CFAP46: variants seen among roughly 807,000 people sequenced by gnomAD.
The protein encoded by CFAP46 is cilia- and flagella-associated protein 46.
A neutral mutation model predicts 325.7 loss-of-function variants in CFAP46; 245 were observed. The ratio of observed to expected loss-of-function variants is 0.75; its 90% confidence interval spans 0.68 to 0.84. The LOEUF (loss-of-function observed/expected upper bound fraction) is 0.84. Ranked by LOEUF, CFAP46 falls within the 40% of genes least tolerant of loss-of-function variation. The probability of loss-of-function intolerance (pLI) is 0.00; values close to 1 mark genes in which losing one functional copy is unlikely to be tolerated. For missense variants in CFAP46, 3,346 were observed against 3,543.0 expected, an observed-to-expected ratio of 0.94 and a Z score of 1.41; for synonymous variants, 1,523 against 1,495.9, an observed-to-expected ratio of 1.02 and a Z score of -0.42.
chr10:132,918,408 C>T lies in CFAP46; in HGVS notation c.1971G>A (p.Gly657=). 1.9e-6 allele frequency: 3 copies of T among 1,548,728 alleles called. No individual in the cohort carries two copies. Among genetic ancestry groups the T allele is most frequent in the Non-Finnish European group, 2.6e-6 (3 of 1,145,894 alleles). Residue 657 remains glycine (G), a synonymous_variant, in exon 16 of 58, where the codon GGG becomes GGA. Coordinates refer to ENST00000368586, the MANE Select transcript of CFAP46 (RefSeq NM_001200049.3). Reference sequence around the variant, plus strand: ...CATGACGCACCTCAGCATGGATGAACCCCACCTCCGCGAACTTCCGCAGCA... The same window carrying T: ...CATGACGCACCTCAGCATGGATGAATCCCACCTCCGCGAACTTCCGCAGCA... ...PDLLRKFAEV[G]FIHAEATVHL...
At position 132,922,168 on chromosome 10, in the gene CFAP46, A is replaced by C. The variant is rs7915371; in HGVS notation, c.1542T>G (p.Asn514Lys). ...SVRKKRALLVNAGLALAPDAF... is the reference protein window; with the variant it reads ...SVRKKRALLVKAGLALAPDAF... ...CGTCAGGGGCTAAGGCCAGGCCTGCATTCACCAGGAGGGCCCGCTTCTTCC... is the reference window on the plus strand; with the variant it reads ...CGTCAGGGGCTAAGGCCAGGCCTGCCTTCACCAGGAGGGCCCGCTTCTTCC... Residue 514 changes from asparagine to lysine, a missense_variant, in exon 13 of 58, where the codon AAT (asparagine) becomes AAG (lysine). Physicochemically the swap from Asn to Lys is moderately conservative, Grantham distance 94. Coordinates refer to ENST00000368586, the MANE Select transcript of CFAP46 (RefSeq NM_001200049.3). The C allele has an allele frequency of 1.7e-5, 27 of 1,550,170 alleles. No homozygotes were observed. Among genetic ancestry groups the C allele is most frequent in the Middle Eastern group, 1.7e-4 (1 of 6,006 alleles).
chr10:132,872,873 C>T (rs1467333542), intron 31 of CFAP46, 49 bp from the exon 32 acceptor site: 2 of 1,546,466 alleles, frequency 1.3e-6, no homozygotes, highest in East Asian at 2.4e-5. Context: ...CGGGTGTAGA[C>T]CACAAGCATA....
chr10:132,843,158 A>C (rs532154594), intron 44 of CFAP46, among the ~76,000 whole-genome samples: 1 of 152,194 alleles, frequency 6.6e-6, no homozygotes, highest in Admixed American at 6.5e-5. Flanking sequence ...TGAGCCCTTC[A>C]TTTAGGAGAG....
Position 132,909,803 on chromosome 10 carries a change from C to T in CFAP46, c.2649+116G>A, listed in dbSNP as rs181844962. 7.7e-5 allele frequency: 76 copies of T among 987,728 alleles called. No individual in the cohort carries two copies. The Admixed American group carries it at 1.1e-3, about 14-fold the overall frequency. 61.2% of individuals were successfully genotyped at this position (987,728 alleles called of 1,614,324 possible). A position where few individuals can be genotyped will look rare whatever the true frequency, so the allele number is the denominator to read the frequency against. On this transcript the variant is annotated intron_variant, in intron 20 of 57. Coordinates refer to ENST00000368586, the MANE Select transcript of CFAP46 (RefSeq NM_001200049.3). ...GGGAAAAGGGAGTGCCCAGGCCATC[C>T]GTGATGGCTCCATCTGGAGCTAAGT...
At position 132,823,528 on chromosome 10, in the gene CFAP46, CTG is replaced by C. The variant is rs573454596; in HGVS notation, c.7118-8616_7118-8615del. 7.3e-5 allele frequency among the ~76,000 whole-genome samples: 6 copies of C among 82,110 alleles called. No individual in the cohort carries two copies. The East Asian group carries it at 2.5e-3, about 34-fold the overall frequency. The allele number at this position is 82,110 out of a possible 152,430, so 53.9% of individuals were successfully genotyped here. On this transcript the variant is annotated intron_variant, in intron 50 of 57. Transcript: ENST00000368586. The stretch of plus-strand genomic sequence containing the variant: ...TGTGTGCTGATGTGTGCTGTGTGTG[CTG>C]TGTGCGCTGTGTGCTGTGTGCTGAT...
At position 132,870,237 on chromosome 10, in the gene CFAP46, G is replaced by A. The variant is rs936722703; in HGVS notation, c.4512-865C>T. Among the ~76,000 whole-genome samples the A allele has an allele frequency of 9.2e-5, 14 of 152,076 alleles. No homozygotes were observed. In the East Asian group the frequency reaches 1.2e-3, roughly 13 times the overall value. On this transcript the variant is annotated intron_variant, in intron 32 of 57. Transcript: ENST00000368586. ...GCTCTGATTGCTCTGCAGCTTGGCC[G>A]CTCCCGCATTTCTCTCCCTCCCCTT... is the stretch of plus-strand genomic sequence containing the variant.
chr10:132,821,926 GC>G (rs2134852747), intron 50 of CFAP46, among the ~76,000 whole-genome samples: 1 of 141,470 alleles, frequency 7.1e-6, no homozygotes, highest in African/African-American at 2.7e-5. Context: ...TGCTGTGTGT[GC>G]GCTGATGTGT....
chr10:132,821,932 A>ATGTGTGCTGTGTGTGCGCTTG (rs1847848417), intron 50 of CFAP46, among the ~76,000 whole-genome samples: 4 of 88,486 alleles, frequency 4.5e-5, no homozygotes, highest in African/African-American at 1.9e-4. Flanking sequence ...GTGTGCGCTG[A>ATGTGTGCTGTGTGTGCGCTTG]TGTGTGCTGT....
At position 132,938,761 on chromosome 10, in the gene CFAP46, G is replaced by T; in HGVS notation, c.372-8C>A. ...TACACCAAAAAGTAGTACCTGCGGC[G>T]CGAGCAGAGGAAGCAGAGAGCACGC... On this transcript the variant is annotated splice_polypyrimidine_tract_variant and splice_region_variant and intron_variant, in intron 4 of 57. Coordinates refer to ENST00000368586, the MANE Select transcript of CFAP46 (RefSeq NM_001200049.3). 6.2e-7 allele frequency: 1 copy of T among 1,609,496 alleles called. No homozygotes were observed. Among genetic ancestry groups the T allele is most frequent in the Non-Finnish European group, 8.5e-7 (1 of 1,177,898 alleles).
chr10:132,882,947 G>A (rs1222527549), intron 27 of CFAP46, among the ~76,000 whole-genome samples: 1 of 152,140 alleles, frequency 6.6e-6, no homozygotes, highest in East Asian at 1.9e-4. Context: ...GGCATCCACA[G>A]GCTGAGGAGT....
intron 35 of CFAP46, among the ~76,000 whole-genome samples, 179 bp from the exon 36 acceptor site, chr10:132,861,161 C>T (rs1380531825): frequency 6.6e-6 from 1 of 152,186 alleles, no homozygotes; most frequent in Non-Finnish European, 1.5e-5. Flanking sequence ...CCATGGCCGC[C>T]CTCGCACTCC....
Position 132,827,433 on chromosome 10 carries a change from C to A in CFAP46, c.7117+5925G>T, listed in dbSNP as rs766888379. On this transcript the variant is annotated intron_variant, in intron 50 of 57. Coordinates refer to ENST00000368586, the MANE Select transcript of CFAP46 (RefSeq NM_001200049.3). This position sits in a 1 kb window ranked among gnomAD's most constrained non-coding sequence, Gnocchi z 5.7. ...GACCTCCTCCTTCAAGGATCCACTT[C>A]GCACATGTGCCCTTCTGCAAACTTC... is the stretch of plus-strand genomic sequence containing the variant. Among the ~76,000 whole-genome samples the A allele has an allele frequency of 6.6e-6, 1 of 152,076 alleles. No individual in the cohort carries two copies. Among genetic ancestry groups the A allele is most frequent in the Non-Finnish European group, 1.5e-5 (1 of 68,024 alleles).
At position 132,821,985 on chromosome 10, in the gene CFAP46, G is replaced by A. The variant is rs61724185; in HGVS notation, c.7118-7071C>T. Among the ~76,000 whole-genome samples the A allele has an allele frequency of 4.4e-4, 63 of 143,170 alleles. No homozygotes were observed. In the South Asian group the frequency reaches 9.8e-3, roughly 22 times the overall value. The allele number at this position is 143,170 out of a possible 152,430, so 93.9% of individuals were successfully genotyped here. A position where few individuals can be genotyped will look rare whatever the true frequency, so the allele number is the denominator to read the frequency against. On this transcript the variant is annotated intron_variant, in intron 50 of 57. Coordinates refer to ENST00000368586, the MANE Select transcript of CFAP46 (RefSeq NM_001200049.3). ...CTGTGTGTGCGCTGATGTGTGCTGT[G>A]TGTGCGCTTGTGTGTGCTGTGTGTG...
rs559791610 is a variant in CFAP46, at chr10:132,876,261, T to C, written c.4362+551A>G. On this transcript the variant is annotated intron_variant, in intron 31 of 57. Transcript: ENST00000368586. This position sits in a 1 kb window ranked among gnomAD's most constrained non-coding sequence, Gnocchi z 4.1. ...ACGGCAGTGAACTGAATGACCACTA[T>C]GGAGGGCAGCATGGCAGCGTGGCAC... Among the ~76,000 whole-genome samples the C allele has an allele frequency of 1.4e-3, 217 of 152,336 alleles. No individual in the cohort carries two copies. The highest frequency in any genetic ancestry group is 4.7e-3 in the African/African-American group (194 of 41,588).
At chr10:132,849,938 AG>A (rs1422274305) in intron 41 of CFAP46, among the ~76,000 whole-genome samples, 1 of 151,446 alleles carries the variant, frequency 6.6e-6, no homozygotes, top group Non-Finnish European at 1.5e-5. Context: ...CACGCTCGCC[AG>A]CACAGGGCTT....
At position 132,847,067 on chromosome 10, in the gene CFAP46, C is replaced by A. The variant is rs376213294; in HGVS notation, c.6132G>T (p.Glu2044Asp). The change falls in exon 43 of 58, where the codon GAG becomes GAT. Residue 2044 changes from glutamate (E) to aspartate (D), a missense_variant. Coordinates refer to ENST00000368586, the MANE Select transcript of CFAP46 (RefSeq NM_001200049.3). This position sits in a 1 kb window ranked among gnomAD's most constrained non-coding sequence, Gnocchi z 5.2. Reference sequence around the variant, plus strand: ...CCACCTGTAGGCACTGCAGCAGCACCTCTGACGCCTGAGCCAGGTACTGCT... The same window carrying A: ...CCACCTGTAGGCACTGCAGCAGCACATCTGACGCCTGAGCCAGGTACTGCT... ...LAQQYLAQAS[E>D]VLLQCLQVAL... 4 of 1,612,426 alleles carry A rather than the reference C, an allele frequency of 2.5e-6. No homozygotes were observed. In the African/African-American group the frequency reaches 5.3e-5, roughly 22 times the overall value.
At chr10:132,858,314 G>A (rs1263053667) in intron 38 of CFAP46, among the ~76,000 whole-genome samples, 2 of 144,228 alleles carry the variant, frequency 1.4e-5, no homozygotes, top group South Asian at 2.2e-4. Context: ...GGTGGGCGGG[G>A]CCATGGAGGC....
chr10:132,916,761 CCCTCAGCT>C (rs1849646643), intron 16 of CFAP46, 79 bp from the exon 17 acceptor site: 1 of 1,395,958 alleles, frequency 7.2e-7, no homozygotes, highest in Non-Finnish European at 9.3e-7. Context: ...ACACGCCCTT[CCCTCAGCT>C]CTGATTTGAA....
chr10:132,941,404 T>A (rs556890699), intron 3 of CFAP46, among the ~76,000 whole-genome samples, 187 bp downstream of exon 3: 75 of 152,328 alleles, frequency 4.9e-4, no homozygotes, highest in African/African-American at 1.7e-3. Context: ...GGGTCCTGTG[T>A]GTCAGATATC....
Sources: gnomAD v4.1 joint callset for allele counts (sites outside exome capture counted in the v4.1 genomes callset) on GRCh38, gnomAD v4.1.1 for gene constraint, Gnocchi (gnomAD v3.1) non-coding constraint, MANE v1.5 for transcripts, NCBI Gene and HGNC (gene_info 2026-07-23, HGNC 2026-07-21) for gene names.